NDUFA10: variants seen among roughly 807,000 people sequenced by gnomAD.
The protein encoded by NDUFA10 is NADH:ubiquinone oxidoreductase subunit A10, also known as NADH dehydrogenase [ubiquinone] 1 alpha subcomplex subunit 10, mitochondrial.
Under a neutral mutation model 47.8 loss-of-function variants are expected in NDUFA10, and 40 were observed. The observed-to-expected ratio is 0.84, with a 90% CI of 0.65 to 1.09. NDUFA10 has a LOEUF of 1.09. NDUFA10 is among the 50% of genes least tolerant of loss of function. NDUFA10 has a pLI of 0.00. For missense variants in NDUFA10, 413 were observed against 451.1 expected, an observed-to-expected ratio of 0.92 and a Z score of 0.76; for synonymous variants, 183 against 172.2, an observed-to-expected ratio of 1.06 and a Z score of -0.49.
intron 9 of NDUFA10, among the ~76,000 whole-genome samples, chr2:239,972,353 G>A (rs1483156063): frequency 6.6e-6 from 1 of 152,156 alleles, no homozygotes; most frequent in Non-Finnish European, 1.5e-5. Context: ...AATGGGTTAT[G>A]CCAAGCATGA....
At chr2:239,968,060 C>G (rs1365683948) in intron 9 of NDUFA10, among the ~76,000 whole-genome samples, 2 of 151,828 alleles carry the variant, frequency 1.3e-5, no homozygotes, top group Non-Finnish European at 2.9e-5. Context: ...AACGCTGTGT[C>G]CTAACTACTT....
chr2:239,903,411 G>A (rs982293513), intron 4 of NDUFA10, among the ~76,000 whole-genome samples: 1 of 152,188 alleles, frequency 6.6e-6, no homozygotes. Flanking sequence ...CTGCAGTCGC[G>A]TTGGACAGAA....
At chr2:239,963,696 T>G (rs1354812779) in intron 9 of NDUFA10, among the ~76,000 whole-genome samples, 1 of 152,212 alleles carries the variant, frequency 6.6e-6, no homozygotes, top group African/African-American at 2.4e-5. Context: ...GTTGGAAACC[T>G]GCGTCTGTGG....
chr2:240,020,943 A>C (rs1056899794), intron 3 of NDUFA10: 18 of 575,400 alleles, frequency 3.1e-5, no homozygotes, highest in African/African-American at 2.1e-4. Flanking sequence ...GTAAGTATAG[A>C]AGCTTAAAGT....
At chr2:239,993,652 G>A (rs1177360627) in intron 8 of NDUFA10, among the ~76,000 whole-genome samples, 1 of 152,156 alleles carries the variant, frequency 6.6e-6, no homozygotes, top group Non-Finnish European at 1.5e-5. Flanking sequence ...TAAACCTGGT[G>A]GGAGTGGGAT....
rs139150946 is a variant in NDUFA10, at chr2:239,978,778, A to T, written c.999+11296T>A. Among the ~76,000 whole-genome samples the T allele has an allele frequency of 2.7e-3, 413 of 152,336 alleles. 2 individuals carry two copies. Among genetic ancestry groups the T allele is most frequent in the African/African-American group, 9.4e-3 (389 of 41,574 alleles). On this transcript the variant is annotated intron_variant, in intron 9 of 9. Transcript: ENST00000252711. The stretch of plus-strand genomic sequence containing the variant: ...AACTAGGCTGAAACACTTTGGAACC[A>T]TTTGATGAAGGTGAGTCGCTAAAAT...
chr2:239,949,368 G>T (rs2106383085), intron 4 of NDUFA10, among the ~76,000 whole-genome samples: 1 of 152,264 alleles, frequency 6.6e-6, no homozygotes, highest in East Asian at 1.9e-4. Context: ...GTGTATCTGT[G>T]GGGGATGAGA....
chr2:239,968,344 C>T (rs1316313673), intron 9 of NDUFA10, among the ~76,000 whole-genome samples: 1 of 152,228 alleles, frequency 6.6e-6, no homozygotes, highest in Non-Finnish European at 1.5e-5. Flanking sequence ...CAGACTTCAG[C>T]TTTGTGGTCT....
chr2:240,009,608 A>G (rs1048715560), intron 6 of NDUFA10, among the ~76,000 whole-genome samples: 1 of 152,258 alleles, frequency 6.6e-6, no homozygotes, highest in African/African-American at 2.4e-5. Flanking sequence ...ATACAAAAAC[A>G]GTGAAGCATC....
chr2:239,941,226 T>C (rs975452291), intron 4 of NDUFA10, among the ~76,000 whole-genome samples: 3 of 152,156 alleles, frequency 2.0e-5, no homozygotes, highest in Non-Finnish European at 4.4e-5. Flanking sequence ...AACAACACAT[T>C]ATGTCAGAAC....
At chr2:239,949,259 G>T (rs1231171290) in intron 4 of NDUFA10, among the ~76,000 whole-genome samples, 2 of 152,212 alleles carry the variant, frequency 1.3e-5, no homozygotes, top group African/African-American at 2.4e-5. Context: ...TGCACGGCTC[G>T]GAGGGCGAAG....
chr2:239,937,885 A>G (rs1694290761), intron 4 of NDUFA10, among the ~76,000 whole-genome samples: 2 of 152,124 alleles, frequency 1.3e-5, no homozygotes, highest in Admixed American at 1.3e-4. Flanking sequence ...ATTGTAACAA[A>G]TTATTTGTAA....
At chr2:240,003,899 C>A (rs1031671149) in intron 8 of NDUFA10, among the ~76,000 whole-genome samples, 2 of 152,170 alleles carry the variant, frequency 1.3e-5, no homozygotes, top group African/African-American at 4.8e-5. Flanking sequence ...TGCACAGAGA[C>A]ACTGCAAGAG....
At chr2:239,953,390 T>C (rs960566795), downstream of NDUFA10, among the ~76,000 whole-genome samples, 3 of 152,184 alleles carry the variant, frequency 2.0e-5, no homozygotes, top group Non-Finnish European at 2.9e-5. Flanking sequence ...GAACTTAGGA[T>C]AATAGATCTG....
chr2:239,954,396 G>A (rs959823929), downstream of NDUFA10, among the ~76,000 whole-genome samples: 2 of 152,222 alleles, frequency 1.3e-5, no homozygotes, highest in East Asian at 3.9e-4. Context: ...CAACCTGCCC[G>A]GCTGGGCAGA....
chr2:240,004,644 C>CTCTCCTAGTCCTGCTCCATTCCGCCGTGG (rs1360930256), intron 8 of NDUFA10, among the ~76,000 whole-genome samples: 1 of 152,076 alleles, frequency 6.6e-6, no homozygotes, highest in African/African-American at 2.4e-5. Context: ...CTGTGGCCTC[C>CTCTCCTAGTCCTGCTCCATTCCGCCGTGG]CCTCCCCACA....
Position 239,910,564 on chromosome 2 carries a change from G to C in NDUFA10, c.295-15250C>G, listed in dbSNP as rs957244922. Among the ~76,000 whole-genome samples the C allele has an allele frequency of 2.6e-5, 4 of 152,066 alleles. No homozygotes were observed. The South Asian group carries it at 6.2e-4, about 24-fold the overall frequency. On this transcript the variant is annotated intron_variant, in intron 4 of 5. Transcript: ENST00000419408. ...AACAACACACACTGGGGCCTGCTGG[G>C]GGGTGTTGAGGAAGGGAGAGGATCA...
At chr2:239,931,460 A>G (rs1453855575) in intron 4 of NDUFA10, among the ~76,000 whole-genome samples, 1 of 152,258 alleles carries the variant, frequency 6.6e-6, no homozygotes, top group Non-Finnish European at 1.5e-5. Flanking sequence ...ATGAGGTCAC[A>G]TTCACAAGTC....
At position 239,945,464 on chromosome 2, in the gene NDUFA10, C is replaced by T. The variant is rs993227152; in HGVS notation, c.294+44610G>A. On this transcript the variant is annotated intron_variant, in intron 4 of 5. Transcript: ENST00000419408. This position sits in a 1 kb window ranked among gnomAD's most constrained non-coding sequence, Gnocchi z 4.6. Reference sequence around the variant, plus strand: ...GCTGGGAGGCCCCTCGGGGGAAGAGCGGACACCCCAACCGGAACGCAGGCT... The same window carrying T: ...GCTGGGAGGCCCCTCGGGGGAAGAGTGGACACCCCAACCGGAACGCAGGCT... Among the ~76,000 whole-genome samples, 4 of 152,146 alleles carry T rather than the reference C, an allele frequency of 2.6e-5. No individual in the cohort carries two copies. The highest frequency in any genetic ancestry group is 7.2e-5 in the African/African-American group (3 of 41,440).
Sources: allele counts gnomAD v4.1 joint callset (sites outside exome capture counted in the v4.1 genomes callset), GRCh38; gene constraint gnomAD v4.1.1; non-coding constraint Gnocchi (gnomAD v3.1); transcripts MANE v1.5; gene names NCBI Gene and HGNC (gene_info 2026-07-23, HGNC 2026-07-21).